Variants in XRCC4 observed in about 807,000 individuals in gnomAD.
XRCC4 encodes the protein X-ray repair cross complementing 4.
Under a neutral mutation model 39.1 loss-of-function variants are expected in XRCC4, and 28 were observed. The observed-to-expected ratio is 0.72, with a 90% confidence interval of 0.53 to 0.98. The LOEUF is 0.98. XRCC4 is among the 50% of genes least tolerant of loss of function. The pLI is 0.00. For synonymous variants in XRCC4, 123 were observed against 126.4 expected (o/e 0.97, Z 0.18); for missense variants, 350 against 376.4 (o/e 0.93, Z 0.58).
At chr5:83,299,259 T>A (rs1017739990) in intron 7 of XRCC4, among the ~76,000 whole-genome samples, 2 of 152,140 alleles carry the variant, frequency 1.3e-5, no homozygotes, top group African/African-American at 4.8e-5. Context: ...GTTGAGAAGT[T>A]GGCCAACAGT....
chr5:83,135,438 A>T (rs1747848860), intron 3 of XRCC4, among the ~76,000 whole-genome samples: 1 of 145,220 alleles, frequency 6.9e-6, no homozygotes, highest in East Asian at 2.0e-4. Flanking sequence ...CTTTTTTATC[A>T]CTGCCTTTAA....
At chr5:83,235,968 G>A (rs1752672197) in intron 6 of XRCC4, among the ~76,000 whole-genome samples, 1 of 151,702 alleles carries the variant, frequency 6.6e-6, no homozygotes, top group African/African-American at 2.4e-5. Context: ...TTACATTTAA[G>A]GTAGCTACAA....
intron 7 of XRCC4, among the ~76,000 whole-genome samples, chr5:83,327,908 T>C (rs1046760325): frequency 1.7e-4 from 26 of 152,128 alleles, no homozygotes; most frequent in Non-Finnish European, 1.9e-4. Flanking sequence ...TTGGAGGTCC[T>C]AGCCAGTGCA....
At chr5:83,356,595 T>C (rs186735819), downstream of XRCC4, 1 of 316,036 alleles carries the variant, frequency 3.2e-6, no homozygotes, top group East Asian at 8.9e-5. Flanking sequence ...TTATATCTCA[T>C]GTGGAGAAAT....
chr5:83,144,552 A>ACCCCCC (rs70973381), intron 3 of XRCC4, among the ~76,000 whole-genome samples: 7 of 38,712 alleles, frequency 1.8e-4, no homozygotes, highest in Admixed American at 3.4e-4. Context: ...GTGTCTCCCC[A>ACCCCCC]CCCCCCCCCC....
At chr5:83,159,230 A>G (rs183962746) in intron 3 of XRCC4, among the ~76,000 whole-genome samples, 11 of 152,276 alleles carry the variant, frequency 7.2e-5, no homozygotes, top group African/African-American at 9.6e-5. Flanking sequence ...AATTCTGCTT[A>G]TATTTCCAAA....
chr5:83,228,627 GTTTC>G (rs1220448781), intron 6 of XRCC4, among the ~76,000 whole-genome samples: 1 of 151,960 alleles, frequency 6.6e-6, no homozygotes, highest in Non-Finnish European at 1.5e-5. Context: ...AGATTGTTGT[GTTTC>G]TTTATTTGCA....
intron 6 of XRCC4, among the ~76,000 whole-genome samples, chr5:83,241,741 T>C (rs923682253): frequency 6.6e-6 from 1 of 152,210 alleles, no homozygotes; most frequent in Admixed American, 6.5e-5. Context: ...ACCGATAACA[T>C]AAACAGTCAT....
At chr5:83,129,520 T>C (rs1383535021) in intron 3 of XRCC4, among the ~76,000 whole-genome samples, 1 of 152,034 alleles carries the variant, frequency 6.6e-6, no homozygotes, top group African/African-American at 2.4e-5. Flanking sequence ...AAGAAAGTCA[T>C]TGCTAGCTTG....
intron 1 of XRCC4, among the ~76,000 whole-genome samples, chr5:83,084,915 C>A (rs1222283958): frequency 1.3e-5 from 2 of 152,036 alleles, no homozygotes; most frequent in East Asian, 3.9e-4. Flanking sequence ...AAAAGGAAAT[C>A]GATTAGCTCT....
intron 7 of XRCC4, among the ~76,000 whole-genome samples, chr5:83,350,537 T>G (rs115549432): frequency 0.011 from 1,678 of 152,264 alleles, 36 homozygotes; most frequent in African/African-American, 0.038. Flanking sequence ...CATTTTTTTT[T>G]CATATGTTTG....
At chr5:83,176,312 AATAC>A (rs1366677110) in intron 3 of XRCC4, among the ~76,000 whole-genome samples, 1 of 152,198 alleles carries the variant, frequency 6.6e-6, no homozygotes, top group African/African-American at 2.4e-5. Context: ...TTAGACAGAA[AATAC>A]ATAAAGTAAA....
chr5:83,224,966 TG>T (rs1280380577), intron 6 of XRCC4, among the ~76,000 whole-genome samples: 1 of 152,230 alleles, frequency 6.6e-6, no homozygotes, highest in East Asian at 1.9e-4. Context: ...GGTTAGTTTC[TG>T]GAGATTTATC....
At chr5:83,250,036 C>A (rs1442056610) in intron 6 of XRCC4, among the ~76,000 whole-genome samples, 1 of 151,856 alleles carries the variant, frequency 6.6e-6, no homozygotes, top group African/African-American at 2.4e-5. Context: ...TTCAAAAATC[C>A]TTAGACATCT....
intron 7 of XRCC4, among the ~76,000 whole-genome samples, chr5:83,303,010 C>T (rs980720192): frequency 1.3e-5 from 2 of 152,076 alleles, no homozygotes; most frequent in South Asian, 2.1e-4. Flanking sequence ...GTCAGGAGTT[C>T]GAGATTAGCC....
intron 3 of XRCC4, among the ~76,000 whole-genome samples, chr5:83,147,408 T>G (rs1209245028): frequency 6.6e-6 from 1 of 152,146 alleles, no homozygotes; most frequent in Non-Finnish European, 1.5e-5. Context: ...TGTGGTAACA[T>G]GGATAAACCT....
chr5:83,363,277 T>C, the XRCC4 span, among the ~76,000 whole-genome samples: 509 of 152,036 alleles, frequency 3.3e-3, 15 homozygotes, highest in East Asian at 0.077. Context: ...AGGAAGAGAG[T>C]GTGGCCTGAT....
chr5:83,129,567 A>T (rs1319707127), intron 3 of XRCC4, among the ~76,000 whole-genome samples: 2 of 152,106 alleles, frequency 1.3e-5, no homozygotes, highest in Non-Finnish European at 2.9e-5. Context: ...TACCTTGGGC[A>T]GTATGGCCAT....
chr5:83,280,544 G>T (rs888698837), intron 7 of XRCC4: 2 of 580,898 alleles, frequency 3.4e-6, no homozygotes, highest in East Asian at 3.2e-5. Context: ...TTCTGCACAG[G>T]CCCCTGCACT....
Sources: allele counts gnomAD v4.1 joint callset (sites outside exome capture counted in the v4.1 genomes callset), GRCh38; gene constraint gnomAD v4.1.1; transcripts MANE v1.5; gene names NCBI Gene and HGNC (gene_info 2026-07-23, HGNC 2026-07-21).